The following ATF7IP2 variants were observed in gnomAD, a reference collection of about 807,000 sequenced individuals.
ATF7IP2 encodes activating transcription factor 7 interacting protein 2.
Under a neutral mutation model 64.2 loss-of-function variants are expected in ATF7IP2, and 42 were observed. The observed-to-expected ratio is 0.65, with a 90% CI of 0.51 to 0.85. ATF7IP2 has a LOEUF of 0.85. ATF7IP2 is among the 40% of genes least tolerant of loss of function. ATF7IP2 has a pLI of 0.00. For synonymous variants in ATF7IP2, 308 were observed against 272.8 expected, an observed-to-expected ratio of 1.13 and a Z score of -1.27; for missense variants, 933 against 784.2, an observed-to-expected ratio of 1.19 and a Z score of -2.27.
intron 2 of ATF7IP2, among the ~76,000 whole-genome samples, chr16:10,417,595 TAAAG>T (rs2047905130): frequency 2.0e-5 from 3 of 152,066 alleles, no homozygotes; most frequent in Non-Finnish European, 2.9e-5. Flanking sequence ...TTACTATAGT[TAAAG>T]AAAGAGATAG....
At chr16:10,434,710 C>A (rs1292497599) in intron 6 of ATF7IP2, among the ~76,000 whole-genome samples, 1 of 152,104 alleles carries the variant, frequency 6.6e-6, no homozygotes, top group African/African-American at 2.4e-5. Flanking sequence ...GATCCTAGCC[C>A]TAAGGACCAT....
At chr16:10,404,383 G>C (rs1013769414) in intron 1 of ATF7IP2, among the ~76,000 whole-genome samples, 1 of 152,148 alleles carries the variant, frequency 6.6e-6, no homozygotes, top group Admixed American at 6.5e-5. Flanking sequence ...CTCCCGAGTA[G>C]CTGGGATTAC....
At chr16:10,453,094 G>C (rs958001074) in intron 8 of ATF7IP2, among the ~76,000 whole-genome samples, 1 of 152,120 alleles carries the variant, frequency 6.6e-6, no homozygotes, top group Non-Finnish European at 1.5e-5. Flanking sequence ...AAGAGTGAAC[G>C]GTTCTCTCTC....
At chr16:10,421,987 G>A (rs903893387) in intron 3 of ATF7IP2, among the ~76,000 whole-genome samples, 3 of 152,230 alleles carry the variant, frequency 2.0e-5, no homozygotes, top group Admixed American at 6.5e-5. Flanking sequence ...CATAGCAGGA[G>A]AAGGCAGTCC....
intron 12 of ATF7IP2, among the ~76,000 whole-genome samples, chr16:10,476,166 A>G (rs1401189640): frequency 6.6e-6 from 1 of 152,236 alleles, no homozygotes; most frequent in Non-Finnish European, 1.5e-5. Flanking sequence ...TGTCTCTTAA[A>G]GCTAGTACAA....
chr16:10,402,146 T>C (rs1437589255), intron 1 of ATF7IP2, among the ~76,000 whole-genome samples: 1 of 152,186 alleles, frequency 6.6e-6, no homozygotes, highest in Non-Finnish European at 1.5e-5. Flanking sequence ...GGCTTGATTA[T>C]TTTTCTAGTC....
At chr16:10,431,784 A>T (rs1457796675) in intron 5 of ATF7IP2, among the ~76,000 whole-genome samples, 1 of 151,856 alleles carries the variant, frequency 6.6e-6, no homozygotes, top group Admixed American at 6.6e-5. Context: ...GGCTAGTTGA[A>T]AGAGTGAGTT....
At chr16:10,474,054 T>A in intron 12 of ATF7IP2, 65 bp downstream of exon 12, 1 of 1,059,462 alleles carries the variant, frequency 9.4e-7, no homozygotes, top group Non-Finnish European at 1.4e-6. Context: ...CATAATGCAC[T>A]GGGTCTACTT....
At chr16:10,457,205 A>T (rs1047522262) in intron 8 of ATF7IP2, 167 bp from the exon 9 acceptor site, 1 of 567,828 alleles carries the variant, frequency 1.8e-6, no homozygotes, top group African/African-American at 2.0e-5. Context: ...TTAAAAATTC[A>T]TTTTGGCAGG....
chr16:10,457,521 T>A lies in ATF7IP2; in HGVS notation c.1344T>A (p.Val448=), dbSNP rs200683589. 42 of 1,566,614 alleles carry A rather than the reference T, an allele frequency of 2.7e-5. No individual in the cohort carries two copies. In the South Asian group the frequency reaches 4.7e-4, roughly 18 times the overall value. Residue 448 remains valine (V), a synonymous_variant, in exon 9 of 14, where the codon GTT becomes GTA. Coordinates refer to ENST00000562102, the MANE Select transcript of ATF7IP2 (RefSeq NM_001393719.1). ...TGTCATCAGATCAAAATAAGTCTGT[T>A]TCTGAAAGGTAGGTGTTTCTGCAAA... is the stretch of plus-strand genomic sequence containing the variant. ...INLSSDQNKS[V]SESNNDDVML...
At chr16:10,407,918 T>TC (rs1491446840) in intron 1 of ATF7IP2, among the ~76,000 whole-genome samples, 3 of 91,336 alleles carry the variant, frequency 3.3e-5, no homozygotes, top group Admixed American at 1.0e-4. Context: ...TCTTTCTTTC[T>TC]TTTTTTTTTT....
chr16:10,481,839 C>A lies in ATF7IP2; in HGVS notation c.1639C>A (p.Pro547Thr). 1.3e-6 allele frequency: 2 copies of A among 1,576,044 alleles called. No homozygotes were observed. Among genetic ancestry groups the A allele is most frequent in the Non-Finnish European group, 1.7e-6 (2 of 1,166,452 alleles). Reference protein sequence around the residue: ...TPLAQNAVQVPESFEHLPPLP... With the variant: ...TPLAQNAVQVTESFEHLPPLP... ...TTTCTTACAATTGTGTTTTTAGGTT[C>A]CTGAGTCCTTTGAGCACCTGCCACC... is the stretch of plus-strand genomic sequence containing the variant. Residue 547 changes from proline (P) to threonine (T), a missense_variant, in exon 14 of 14, where the codon CCT becomes ACT. Physicochemically the swap from Pro to Thr is conservative, Grantham distance 38. Coordinates refer to ENST00000562102, the MANE Select transcript of ATF7IP2 (RefSeq NM_001393719.1).
chr16:10,427,321 G>A (rs760203885), intron 3 of ATF7IP2, among the ~76,000 whole-genome samples: 2 of 152,196 alleles, frequency 1.3e-5, no homozygotes, highest in Non-Finnish European at 2.9e-5. Flanking sequence ...AAGACAATGA[G>A]AGCTAATTCT....
At chr16:10,405,028 C>G (rs879541197) in intron 1 of ATF7IP2, among the ~76,000 whole-genome samples, 1 of 152,094 alleles carries the variant, frequency 6.6e-6, no homozygotes, top group African/African-American at 2.4e-5. Flanking sequence ...TAAGTAGACC[C>G]TCCCTATAAT....
intron 1 of ATF7IP2, among the ~76,000 whole-genome samples, chr16:10,394,722 A>C (rs1438185256): frequency 6.6e-6 from 1 of 152,214 alleles, no homozygotes; most frequent in African/African-American, 2.4e-5. Context: ...AACTTGAGAA[A>C]TTTACAAATA....
intron 12 of ATF7IP2, among the ~76,000 whole-genome samples, chr16:10,477,764 C>G (rs1296911217): frequency 6.6e-6 from 1 of 152,096 alleles, no homozygotes; most frequent in Non-Finnish European, 1.5e-5. Flanking sequence ...TGTCTCAGCC[C>G]AAAATCTCCT....
chr16:10,426,153 G>C (rs1440124022), intron 3 of ATF7IP2, among the ~76,000 whole-genome samples: 1 of 152,176 alleles, frequency 6.6e-6, no homozygotes, highest in African/African-American at 2.4e-5. Flanking sequence ...TAAAACTTGA[G>C]AAAATGTAAT....
chr16:10,450,679 C>G (rs1343625406), intron 8 of ATF7IP2, among the ~76,000 whole-genome samples: 5 of 152,052 alleles, frequency 3.3e-5, no homozygotes, highest in Non-Finnish European at 1.5e-5. Flanking sequence ...AGATCTTCCT[C>G]CATCCCTTTA....
intron 12 of ATF7IP2, among the ~76,000 whole-genome samples, chr16:10,478,625 A>G (rs1325614945): frequency 6.6e-6 from 1 of 152,240 alleles, no homozygotes; most frequent in Admixed American, 6.5e-5. Flanking sequence ...CACCAAAAGC[A>G]ATGGCAACAA....
Sources: gnomAD v4.1 joint callset for allele counts (sites outside exome capture counted in the v4.1 genomes callset) on GRCh38, gnomAD v4.1.1 for gene constraint, MANE v1.5 for transcripts, NCBI Gene and HGNC (gene_info 2026-07-23, HGNC 2026-07-21) for gene names.